Variants in WNK1 observed in about 807,000 individuals in gnomAD.
WNK1 encodes serine/threonine-protein kinase WNK1.
A neutral mutation model predicts 222.8 loss-of-function variants in WNK1; 38 were observed. The observed-to-expected ratio is 0.17, with a 90% CI of 0.13 to 0.22. The LOEUF (loss-of-function observed/expected upper bound fraction) is 0.22, where lower values mean the gene tolerates loss of function less well. WNK1 is among the 10% of genes least tolerant of loss of function. The pLI, the probability that WNK1 is intolerant of heterozygous loss-of-function variation, is 1.00. For synonymous variants in WNK1, 1,090 were observed against 1,092.9 expected (o/e 1.00, Z 0.05); for missense variants, 2,348 against 2,918.4 (o/e 0.80, Z 4.50).
At position 890,332 on chromosome 12, in the gene WNK1, G is replaced by A. The variant is rs72650752; in HGVS notation, c.5449-121G>A. On this transcript the variant is annotated intron_variant, in intron 21 of 27. Transcript: ENST00000315939. ...GAAGATAAAATGTTCTCAGACATAA[G>A]TGTTTCATCACATATACTGTCTTTC... 4.2e-3 allele frequency: 3,998 copies of A among 951,828 alleles called. 95 individuals carry two copies. In the African/African-American group the frequency reaches 0.054, roughly 13 times the overall value. The allele number at this position is 951,828 out of a possible 1,614,324, so 59.0% of individuals were successfully genotyped here.
At chr12:864,412 A>C (rs72649806) in intron 8 of WNK1, among the ~76,000 whole-genome samples, 85 of 152,212 alleles carry the variant, frequency 5.6e-4, no homozygotes, top group Non-Finnish European at 8.7e-4. Flanking sequence ...TGCCCGGCCT[A>C]AATTATTATT....
At chr12:785,824 A>T (rs920084192) in intron 1 of WNK1, among the ~76,000 whole-genome samples, 3 of 152,098 alleles carry the variant, frequency 2.0e-5, no homozygotes, top group Admixed American at 6.5e-5. Context: ...TTTTCAAGTA[A>T]TCCCATGAGC....
intron 25 of WNK1, 125 bp from the exon 26 acceptor site, chr12:900,351 C>T: frequency 2.0e-6 from 2 of 991,332 alleles, no homozygotes; most frequent in South Asian, 1.3e-5. Flanking sequence ...TTCTTCTCAT[C>T]AGTTTGTAGC....
At chr12:889,873 T>C (rs1592195944) in intron 21 of WNK1, among the ~76,000 whole-genome samples, 2 of 152,168 alleles carry the variant, frequency 1.3e-5, no homozygotes, top group South Asian at 2.1e-4. Flanking sequence ...ATCCAAGTTA[T>C]ACCCTTAAGC....
chr12:785,665 G>A (rs998719802), intron 1 of WNK1, among the ~76,000 whole-genome samples: 8 of 152,164 alleles, frequency 5.3e-5, no homozygotes, highest in Non-Finnish European at 1.0e-4. Flanking sequence ...CCAAAGTGCT[G>A]GGATTACAAG....
rs144704770 is a variant in WNK1, at chr12:852,663, T to C, written c.1312-4498T>C. On this transcript the variant is annotated intron_variant, in intron 4 of 27. Coordinates refer to ENST00000315939, the MANE Select transcript of WNK1 (RefSeq NM_018979.4). ...CATGAAAACATCTTGTTATCATTAC[T>C]TTGTTCTGTCTGGTGCTTAAAATCG... 4.8e-4 allele frequency among the ~76,000 whole-genome samples: 73 copies of C among 152,316 alleles called. 1 individual carries two copies. The highest frequency in any genetic ancestry group is 3.4e-3 in the Middle Eastern group (1 of 294).
In WNK1 at chr12:754,096, G is replaced by A. The variant is rs1268480244; in HGVS notation, c.531G>A (p.Glu177=). 6.2e-7 allele frequency: 1 copy of A among 1,611,010 alleles called. No homozygotes were observed. Among genetic ancestry groups the A allele is most frequent in the Non-Finnish European group, 8.5e-7 (1 of 1,179,374 alleles). The change falls in exon 1 of 28, where the codon GAG becomes GAA. Residue 177 remains glutamate, a synonymous_variant. Transcript: ENST00000315939. ...SQPSLVGSKE[E]PPPARSGSGG... ...CTAGCCTTGTGGGGAGCAAAGAGGA[G>A]CCGCCGCCGGCGAGAAGTGGCAGCG... is the stretch of plus-strand genomic sequence containing the variant.
At chr12:850,015 C>A (rs1326636240) in intron 4 of WNK1, among the ~76,000 whole-genome samples, 1 of 152,164 alleles carries the variant, frequency 6.6e-6, no homozygotes, top group Non-Finnish European at 1.5e-5. Flanking sequence ...GTGAATACTG[C>A]CACAATAAAC....
intron 4 of WNK1, among the ~76,000 whole-genome samples, chr12:847,071 TCTG>T (rs1267767103): frequency 2.0e-5 from 3 of 152,200 alleles, no homozygotes; most frequent in Non-Finnish European, 2.9e-5. Flanking sequence ...ATTTCATTAT[TCTG>T]CTGTGATTTA....
chr12:785,375 G>A (rs1276552697), intron 1 of WNK1, among the ~76,000 whole-genome samples: 1 of 151,478 alleles, frequency 6.6e-6, no homozygotes, highest in Non-Finnish European at 1.5e-5. Flanking sequence ...CTAGACCAAT[G>A]GTCTAACGTC....
intron 1 of WNK1, among the ~76,000 whole-genome samples, chr12:787,844 C>CGT (rs1185520527): frequency 1.3e-5 from 2 of 151,716 alleles, no homozygotes; most frequent in Non-Finnish European, 2.9e-5. Flanking sequence ...TGTGTGTGTG[C>CGT]GTGTGTGTGT....
intron 3 of WNK1, among the ~76,000 whole-genome samples, chr12:829,594 C>T (rs1176857044): frequency 1.3e-5 from 2 of 152,090 alleles, no homozygotes; most frequent in African/African-American, 2.4e-5. Context: ...CTTTTTAAAC[C>T]CATCATCTTA....
chr12:754,767 AC>A (rs1345311003), intron 1 of WNK1, among the ~76,000 whole-genome samples: 2 of 152,100 alleles, frequency 1.3e-5, no homozygotes, highest in Non-Finnish European at 2.9e-5. Flanking sequence ...ACAACCTTGT[AC>A]CTTTGGATGT....
chr12:779,894 G>T (rs1943525577), intron 1 of WNK1, among the ~76,000 whole-genome samples: 1 of 151,882 alleles, frequency 6.6e-6, no homozygotes, highest in Non-Finnish European at 1.5e-5. Flanking sequence ...TGCATTTTTT[G>T]TTTACTTCAC....
intron 1 of WNK1, among the ~76,000 whole-genome samples, chr12:803,513 T>C (rs1591773518): frequency 6.6e-6 from 1 of 152,210 alleles, no homozygotes; most frequent in African/African-American, 2.4e-5. Flanking sequence ...CTGGGCACAG[T>C]GGCTCACGCC....
At chr12:871,388 G>C (rs779851522) in intron 9 of WNK1, 40 bp downstream of exon 9, 2 of 1,589,026 alleles carry the variant, frequency 1.3e-6, no homozygotes, top group Non-Finnish European at 1.7e-6. Flanking sequence ...AATTAGCAGT[G>C]GCCAGAACAC....
chr12:869,090 G>T, intron 8 of WNK1: 1 of 1,613,946 alleles, frequency 6.2e-7, no homozygotes, highest in Non-Finnish European at 8.5e-7. Context: ...AGGAGGATCT[G>T]CACTTCATCC....
At chr12:850,203 A>G (rs927296409) in intron 4 of WNK1, among the ~76,000 whole-genome samples, 5 of 152,118 alleles carry the variant, frequency 3.3e-5, no homozygotes, top group Admixed American at 2.6e-4. Flanking sequence ...AAGTGTTCCT[A>G]TTTCTCCACA....
intron 4 of WNK1, among the ~76,000 whole-genome samples, chr12:839,979 C>T (rs1281906004): frequency 1.3e-4 from 19 of 150,702 alleles, no homozygotes; most frequent in African/African-American, 4.2e-4. Context: ...CCGCCCACCT[C>T]GGCCCCCAAA....
Sources: gnomAD v4.1 joint callset for allele counts (sites outside exome capture counted in the v4.1 genomes callset) on GRCh38, gnomAD v4.1.1 for gene constraint, MANE v1.5 for transcripts, NCBI Gene and HGNC (gene_info 2026-07-23, HGNC 2026-07-21) for gene names.